Variants in RIMS3 observed in about 807,000 individuals in gnomAD.
The protein encoded by RIMS3 is regulating synaptic membrane exocytosis 3, also known as regulating synaptic membrane exocytosis protein 3.
In RIMS3, 15 loss-of-function variants were observed where a neutral mutation model predicts 29.2. The ratio of observed to expected loss-of-function variants is 0.51; its 90% CI spans 0.34 to 0.79. The LOEUF (loss-of-function observed/expected upper bound fraction) is 0.79, where lower values mean the gene tolerates loss of function less well. RIMS3 is among the 30% of genes least tolerant of loss of function. The pLI is 0.01. For missense variants in RIMS3, 342 were observed against 421.4 expected (o/e 0.81, Z 1.65); for synonymous variants, 161 against 170.1 (o/e 0.95, Z 0.41).
upstream of RIMS3, among the ~76,000 whole-genome samples, chr1:40,666,015 G>A (rs890235194): frequency 6.6e-6 from 1 of 152,168 alleles, no homozygotes; most frequent in African/African-American, 2.4e-5. Context: ...GGCGCCCCCT[G>A]CCCTGCCCTG....
chr1:40,690,140 A>G, the RIMS3 span, among the ~76,000 whole-genome samples: 1 of 152,240 alleles, frequency 6.6e-6, no homozygotes. Flanking sequence ...TTATAACAAT[A>G]ATCACTAATA....
intron 6 of RIMS3, 71 bp from the exon 7 acceptor site, chr1:40,629,020 T>G (rs1426285578): frequency 4.4e-6 from 7 of 1,580,712 alleles, no homozygotes. Flanking sequence ...ATCCCCTAAC[T>G]GCCAGGTGAT....
At chr1:40,672,868 G>GAA in the RIMS3 span, among the ~76,000 whole-genome samples, 3 of 132,470 alleles carry the variant, frequency 2.3e-5, no homozygotes, top group Non-Finnish European at 3.2e-5. Flanking sequence ...CATCTCTGGA[G>GAA]AAAAAAAAAA....
At chr1:40,669,767 A>G (rs1159888872), upstream of RIMS3, among the ~76,000 whole-genome samples, 3 of 152,192 alleles carry the variant, frequency 2.0e-5, no homozygotes, top group Non-Finnish European at 4.4e-5. Flanking sequence ...GTTTGGGTGC[A>G]AAGATTTTTT....
upstream of RIMS3, chr1:40,669,543 T>C (rs564636247): frequency 2.0e-5 from 3 of 152,298 alleles, no homozygotes; most frequent in South Asian, 2.1e-4. Context: ...AGAGGACTCA[T>C]TCACCCCAGG....
intron 5 of RIMS3, among the ~76,000 whole-genome samples, chr1:40,631,252 GT>G (rs1256498513): frequency 6.6e-6 from 1 of 152,146 alleles, no homozygotes; most frequent in Non-Finnish European, 1.5e-5. Context: ...GGGCAGGGAG[GT>G]TCTGTCTGAG....
chr1:40,636,138 T>C lies in RIMS3; in HGVS notation c.218-81A>G. ...GGCTTCTCTAAGAGTCCTGCCAAAG[T>C]CACTCTCTTGGCATGGGGGGTTGAT... On this transcript the variant is annotated intron_variant, in intron 3 of 7. Transcript: ENST00000372684. The surrounding 1 kb of genome is among the most constrained non-coding windows in gnomAD (Gnocchi z 4.2). 1 of 1,545,192 alleles carries C rather than the reference T, an allele frequency of 6.5e-7. No homozygotes were observed. The highest frequency in any genetic ancestry group is 8.8e-7 in the Non-Finnish European group (1 of 1,133,898).
the RIMS3 span, among the ~76,000 whole-genome samples, chr1:40,688,493 C>T: frequency 6.6e-6 from 1 of 152,086 alleles, no homozygotes; most frequent in African/African-American, 2.4e-5. Flanking sequence ...ATTTGCCAAG[C>T]TCACAGAAAC....
At chr1:40,642,817 G>A (rs896849233) in intron 2 of RIMS3, among the ~76,000 whole-genome samples, 17 of 100,428 alleles carry the variant, frequency 1.7e-4, no homozygotes, top group Admixed American at 5.9e-4. Context: ...TTAGCTGGGC[G>A]TGGTGGTGGG....
chr1:40,688,399 A>G, the RIMS3 span, among the ~76,000 whole-genome samples: 1 of 152,240 alleles, frequency 6.6e-6, no homozygotes, highest in Non-Finnish European at 1.5e-5. Context: ...ACAAGAACTG[A>G]TGTTTAACCT....
At chr1:40,656,282 G>T (rs1176420657) in intron 1 of RIMS3, among the ~76,000 whole-genome samples, 1 of 152,094 alleles carries the variant, frequency 6.6e-6, no homozygotes, top group African/African-American at 2.4e-5. Flanking sequence ...TAACTTTAAT[G>T]CAACTATTTT....
rs1296318398 is a variant in RIMS3 at position 40,647,706 on chromosome 1, G to T, written c.-70C>A. ...CTGAGCCTGGTGTTCCGCATCACAG[G>T]GGGCTGCCTCCCAACAGCACACCCC... On this transcript the variant is annotated 5_prime_UTR_variant, in exon 2 of 8. Coordinates refer to ENST00000372684, the MANE Select transcript of RIMS3 (RefSeq NM_014747.3). 1.3e-5 allele frequency: 2 copies of T among 152,190 alleles called. No homozygotes were observed. The highest frequency in any genetic ancestry group is 6.5e-5 in the Admixed American group (1 of 15,274). The allele number at this position is 152,190 out of a possible 1,614,324, so 9.4% of individuals were successfully genotyped here. A position where few individuals can be genotyped will look rare whatever the true frequency, so the allele number is the denominator to read the frequency against.
rs1239788075 is a variant in RIMS3, at chr1:40,654,933, C to T, written c.-206-7091G>A. Reference sequence around the variant, plus strand: ...ACAAGCACACACCCCACACTCTACCCAGGCCCTCCATCCTCCTGGTGCCCA... The same window carrying T: ...ACAAGCACACACCCCACACTCTACCTAGGCCCTCCATCCTCCTGGTGCCCA... On this transcript the variant is annotated intron_variant, in intron 1 of 7. Coordinates refer to ENST00000372684, the MANE Select transcript of RIMS3 (RefSeq NM_014747.3). This position sits in a 1 kb window ranked among gnomAD's most constrained non-coding sequence, Gnocchi z 5.3. Among the ~76,000 whole-genome samples the T allele has an allele frequency of 1.3e-5, 2 of 152,202 alleles. No homozygotes were observed. Among genetic ancestry groups the T allele is most frequent in the Admixed American group, 1.3e-4 (2 of 15,284 alleles).
At chr1:40,645,419 C>G (rs1238354800) in intron 2 of RIMS3, among the ~76,000 whole-genome samples, 1 of 152,158 alleles carries the variant, frequency 6.6e-6, no homozygotes, top group African/African-American at 2.4e-5. Context: ...AGAGGCAAGG[C>G]CTGGACTTGA....
rs889539494 is a variant in RIMS3 at position 40,635,667 on chromosome 1, G to A, written c.359+249C>T. ...GGGAGGTGGGAGGTGGGAGGTAAGG[G>A]TCCCTTCCTGAAACATACAGAAGGA... On this transcript the variant is annotated intron_variant, in intron 4 of 7. Coordinates refer to ENST00000372684, the MANE Select transcript of RIMS3 (RefSeq NM_014747.3). The surrounding 1 kb of genome is among the most constrained non-coding windows in gnomAD (Gnocchi z 4.1). 5.3e-5 allele frequency among the ~76,000 whole-genome samples: 8 copies of A among 152,196 alleles called. No individual in the cohort carries two copies. The highest frequency in any genetic ancestry group is 3.9e-4 in the East Asian group (2 of 5,194).
the RIMS3 span, among the ~76,000 whole-genome samples, chr1:40,678,109 TA>T: frequency 9.6e-4 from 146 of 151,906 alleles, no homozygotes; most frequent in African/African-American, 3.5e-3. Flanking sequence ...TCAGTATCTC[TA>T]AAAAAAAGGA....
chr1:40,649,924 A>T (rs1646619826), intron 1 of RIMS3, among the ~76,000 whole-genome samples: 1 of 152,158 alleles, frequency 6.6e-6, no homozygotes, highest in Non-Finnish European at 1.5e-5. Context: ...CTGTGTAGGA[A>T]GGCAATACAG....
the RIMS3 span, among the ~76,000 whole-genome samples, chr1:40,688,196 C>T: frequency 6.6e-6 from 1 of 152,148 alleles, no homozygotes; most frequent in Non-Finnish European, 1.5e-5. Flanking sequence ...AACTCCTGAC[C>T]TCGTGATCTG....
At chr1:40,650,863 CAAAAAAAAAA>C (rs58578342) in intron 1 of RIMS3, among the ~76,000 whole-genome samples, 3,093 of 64,564 alleles carry the variant, frequency 0.048, 173 homozygotes, top group African/African-American at 0.22. Flanking sequence ...CAGACTCTGT[CAAAAAAAAAA>C]AAAAAAAAAA....
Sources: gnomAD v4.1 joint callset for allele counts (sites outside exome capture counted in the v4.1 genomes callset) on GRCh38, gnomAD v4.1.1 for gene constraint, Gnocchi (gnomAD v3.1) non-coding constraint, MANE v1.5 for transcripts, NCBI Gene and HGNC (gene_info 2026-07-23, HGNC 2026-07-21) for gene names.